SNX14: variants seen among roughly 807,000 people sequenced by gnomAD.
SNX14 encodes sorting nexin 14, also known as sorting nexin-14.
Under a neutral mutation model 133.8 loss-of-function variants are expected in SNX14, and 93 were observed. That is an observed-to-expected ratio of 0.70 (90% CI 0.59 to 0.83). The LOEUF (loss-of-function observed/expected upper bound fraction) is 0.83, where lower values mean the gene tolerates loss of function less well. Ranked by LOEUF, SNX14 falls within the 40% of genes least tolerant of loss-of-function variation. The probability of loss-of-function intolerance (pLI) is 0.00; values close to 1 mark genes in which losing one functional copy is unlikely to be tolerated. For missense variants in SNX14, 945 were observed against 1,094.9 expected (o/e 0.86, Z 1.93); for synonymous variants, 368 against 365.6 (o/e 1.01, Z -0.07).
intron 12 of SNX14, among the ~76,000 whole-genome samples, chr6:85,545,742 G>A (rs1009967781): frequency 6.6e-6 from 1 of 152,160 alleles, no homozygotes; most frequent in Non-Finnish European, 1.5e-5. Flanking sequence ...GGAGTGCAGT[G>A]GCATGATCTC....
Position 85,535,830 on chromosome 6 carries a change from T to C in SNX14, c.1608+962A>G, listed in dbSNP as rs932822377. 2.6e-5 allele frequency among the ~76,000 whole-genome samples: 4 copies of C among 152,102 alleles called. No individual in the cohort carries two copies. In the South Asian group the frequency reaches 6.2e-4, roughly 24 times the overall value. On this transcript the variant is annotated intron_variant, in intron 17 of 28. Transcript: ENST00000314673. Reference sequence around the variant, plus strand: ...CCTGTCACCCCACCTTTCCTCCTTCTTGGTCATCATCAATCCAATCAGTAC... The same window carrying C: ...CCTGTCACCCCACCTTTCCTCCTTCCTGGTCATCATCAATCCAATCAGTAC...
intron 5 of SNX14, among the ~76,000 whole-genome samples, chr6:85,565,723 A>C (rs929380362): frequency 4.6e-5 from 7 of 152,334 alleles, no homozygotes; most frequent in African/African-American, 1.7e-4. Flanking sequence ...ACACCAAAGA[A>C]AGTTCAAAGA....
chr6:85,522,172 A>G (rs1777108488), intron 21 of SNX14, among the ~76,000 whole-genome samples: 1 of 152,222 alleles, frequency 6.6e-6, no homozygotes. Flanking sequence ...TCCCAGTAGC[A>G]TTTCTTGAAA....
intron 26 of SNX14, among the ~76,000 whole-genome samples, chr6:85,512,817 C>A (rs1001926003): frequency 3.9e-5 from 6 of 152,140 alleles, no homozygotes; most frequent in South Asian, 2.1e-4. Flanking sequence ...TTCTCTCCAA[C>A]CTTGGGGGGC....
At chr6:85,587,965 CG>C (rs1022970638) in intron 1 of SNX14, among the ~76,000 whole-genome samples, 5 of 152,080 alleles carry the variant, frequency 3.3e-5, no homozygotes, top group African/African-American at 7.2e-5. Flanking sequence ...AGGGGAGGAG[CG>C]GGGGGCAGGG....
chr6:85,531,422 T>C (rs978971752), intron 18 of SNX14, among the ~76,000 whole-genome samples: 8 of 152,182 alleles, frequency 5.3e-5, no homozygotes, highest in Non-Finnish European at 1.2e-4. Flanking sequence ...CAATCTACCA[T>C]AGATTTGAGA....
Position 85,543,298 on chromosome 6 carries a change from C to A in SNX14, c.1273G>T (p.Gly425Cys). 1 of 1,562,816 alleles carries A rather than the reference C, an allele frequency of 6.4e-7. No homozygotes were observed. The highest frequency in any genetic ancestry group is 8.6e-7 in the Non-Finnish European group (1 of 1,161,862). ...IVEEIQRIAE[G>C]PYIDVVKLQT... ...AGTTTCACAACATCTATGTATGGGCCTTCAGCAACTATTAAAAAAATTCTA... is the reference window on the plus strand; with the variant it reads ...AGTTTCACAACATCTATGTATGGGCATTCAGCAACTATTAAAAAAATTCTA... The change falls in exon 14 of 29, where the codon GGC becomes TGC. Residue 425 changes from glycine (G) to cysteine (C), a missense_variant. Transcript: ENST00000314673.
chr6:85,585,013 T>A (rs1046658184), intron 1 of SNX14, among the ~76,000 whole-genome samples: 1 of 152,066 alleles, frequency 6.6e-6, no homozygotes, highest in Non-Finnish European at 1.5e-5. Context: ...TGCCCATCAG[T>A]GATAGACTGG....
intron 19 of SNX14, 149 bp downstream of exon 19, chr6:85,530,042 AC>A: frequency 2.0e-6 from 1 of 508,442 alleles, no homozygotes; most frequent in Non-Finnish European, 3.4e-6. Context: ...GATAAACAGT[AC>A]ATTTCCGTTA....
intron 1 of SNX14, among the ~76,000 whole-genome samples, chr6:85,578,778 A>C (rs1798098808): frequency 6.6e-6 from 1 of 152,194 alleles, no homozygotes; most frequent in Admixed American, 6.5e-5. Flanking sequence ...AGAAGCAGGG[A>C]CAGTGTGACT....
intron 15 of SNX14, among the ~76,000 whole-genome samples, chr6:85,541,599 A>G (rs1247951725): frequency 6.6e-6 from 1 of 152,166 alleles, no homozygotes; most frequent in Non-Finnish European, 1.5e-5. Flanking sequence ...AAAAAAAGAA[A>G]GAAATAAACA....
At chr6:85,526,020 C>A (rs749550912) in intron 21 of SNX14, 106 bp downstream of exon 21, 20 of 606,800 alleles carry the variant, frequency 3.3e-5, no homozygotes, top group Middle Eastern at 4.4e-4. Flanking sequence ...GAAATAAGGG[C>A]CCTCGGAGTT....
At position 85,581,088 on chromosome 6, in the gene SNX14, G is replaced by A. The variant is rs1035667352; in HGVS notation, c.141-6710C>T. On this transcript the variant is annotated intron_variant, in intron 1 of 28. Transcript: ENST00000314673. ...GACTCAGCACACTCCTACTCCTGGTGGCCAAAGGGTTATTTGTGTCACCCC... is the reference window on the plus strand; with the variant it reads ...GACTCAGCACACTCCTACTCCTGGTAGCCAAAGGGTTATTTGTGTCACCCC... The A allele has an allele frequency of 2.6e-5, 4 of 152,332 alleles. No homozygotes were observed. In the South Asian group the frequency reaches 8.3e-4, roughly 32 times the overall value. The allele number at this position is 152,332 out of a possible 1,614,324, so 9.4% of individuals were successfully genotyped here. A position where few individuals can be genotyped will look rare whatever the true frequency, so the allele number is the denominator to read the frequency against.
intron 1 of SNX14, among the ~76,000 whole-genome samples, chr6:85,580,083 T>C (rs1479946278): frequency 6.6e-6 from 1 of 152,184 alleles, no homozygotes; most frequent in Non-Finnish European, 1.5e-5. Context: ...AGAGACCCTT[T>C]CCCTCTGCTT....
intron 17 of SNX14, among the ~76,000 whole-genome samples, chr6:85,535,028 CTTTTT>C (rs35936403): frequency 2.4e-5 from 3 of 124,140 alleles, no homozygotes; most frequent in Non-Finnish European, 3.4e-5. Context: ...TCTATCCATA[CTTTTT>C]TTTTTTTTTT....
chr6:85,546,965 CAAAAAA>C (rs375373506), intron 12 of SNX14, 141 bp downstream of exon 12: 257 of 392,230 alleles, frequency 6.6e-4, no homozygotes, highest in South Asian at 8.4e-4. Context: ...CCGCCTCAAA[CAAAAAA>C]AAAAAAAAAA....
chr6:85,578,833 G>C (rs886241567), intron 1 of SNX14, among the ~76,000 whole-genome samples: 1 of 152,110 alleles, frequency 6.6e-6, no homozygotes, highest in Non-Finnish European at 1.5e-5. Context: ...TGACATATTT[G>C]ATTCTTAAGA....
rs759480615 is a variant in SNX14, at chr6:85,547,244, ATTAAGT to A, written c.994-24_994-19del. The stretch of plus-strand genomic sequence containing the variant: ...TTCAGCACCTTGATATAAGAGAAAG[ATTAAGT>A]TTAAGCTATATAAATGAGTTCTAAA... On this transcript the variant is annotated intron_variant, in intron 11 of 28. Transcript: ENST00000314673. 7 of 1,612,536 alleles carry A rather than the reference ATTAAGT, an allele frequency of 4.3e-6. No individual in the cohort carries two copies. Among genetic ancestry groups the A allele is most frequent in the Middle Eastern group, 3.3e-4 (2 of 6,082 alleles).
At chr6:85,511,450 T>C (rs1282949462) in intron 26 of SNX14, among the ~76,000 whole-genome samples, 3 of 152,234 alleles carry the variant, frequency 2.0e-5, no homozygotes, top group South Asian at 2.1e-4. Context: ...GAGTACAATG[T>C]TGAAAGCAGT....
Sources: allele counts gnomAD v4.1 joint callset (sites outside exome capture counted in the v4.1 genomes callset), GRCh38; gene constraint gnomAD v4.1.1; transcripts MANE v1.5; gene names NCBI Gene and HGNC (gene_info 2026-07-23, HGNC 2026-07-21).